The following FBXL7 variants were observed in gnomAD, a reference collection of about 807,000 sequenced individuals.
FBXL7 encodes the protein F-box and leucine rich repeat protein 7, also known as F-box/LRR-repeat protein 7.
FBXL7 carries 12 observed loss-of-function variants against 38.3 expected under a neutral mutation model. The observed-to-expected ratio is 0.31, with a 90% confidence interval of 0.20 to 0.51. The LOEUF (loss-of-function observed/expected upper bound fraction) is 0.51, where lower values mean the gene tolerates loss of function less well. FBXL7 is among the 20% of genes least tolerant of loss of function. The pLI is 0.98. For synonymous variants in FBXL7, 297 were observed against 300.9 expected (o/e 0.99, Z 0.13); for missense variants, 567 against 676.4 (o/e 0.84, Z 1.79).
intron 2 of FBXL7, among the ~76,000 whole-genome samples, chr5:15,838,259 C>G (rs927572092): frequency 3.3e-5 from 5 of 152,286 alleles, no homozygotes; most frequent in African/African-American, 4.8e-5. Context: ...TTACATTGTA[C>G]AGTTCTAGAG....
At chr5:15,816,553 A>G (rs898954989) in intron 2 of FBXL7, among the ~76,000 whole-genome samples, 4 of 152,316 alleles carry the variant, frequency 2.6e-5, no homozygotes, top group Admixed American at 2.6e-4. Context: ...TGTAATGTAC[A>G]TGACTCCAGT....
chr5:15,873,887 A>G (rs528203658), intron 2 of FBXL7, among the ~76,000 whole-genome samples: 106 of 152,338 alleles, frequency 7.0e-4, no homozygotes, highest in African/African-American at 2.4e-3. Flanking sequence ...AACGATAGAA[A>G]AAGAGGGAAT....
chr5:15,628,606 C>G (rs1399442039), intron 2 of FBXL7, among the ~76,000 whole-genome samples: 1 of 152,132 alleles, frequency 6.6e-6, no homozygotes, highest in Non-Finnish European at 1.5e-5. Context: ...AATAATCCAT[C>G]CATTAACACG....
intron 1 of FBXL7, among the ~76,000 whole-genome samples, chr5:15,502,069 G>A (rs76438577): frequency 0.016 from 2,426 of 152,112 alleles, 63 homozygotes; most frequent in African/African-American, 0.056. Context: ...TTATAAAAAT[G>A]TGAGGAAAAG....
At chr5:15,539,632 G>A (rs995593486) in intron 1 of FBXL7, among the ~76,000 whole-genome samples, 1 of 152,038 alleles carries the variant, frequency 6.6e-6, no homozygotes, top group Non-Finnish European at 1.5e-5. Context: ...GAGGGTATGG[G>A]CTGAATATTC....
intron 1 of FBXL7, among the ~76,000 whole-genome samples, chr5:15,533,012 G>A (rs550918414): frequency 1.9e-4 from 29 of 152,308 alleles, no homozygotes; most frequent in African/African-American, 6.5e-4. Flanking sequence ...AGAGGATCAA[G>A]ATTTGGGGAA....
chr5:15,620,530 G>T (rs1011998903), intron 2 of FBXL7, among the ~76,000 whole-genome samples: 1 of 151,654 alleles, frequency 6.6e-6, no homozygotes, highest in East Asian at 1.9e-4. Context: ...TATTACAGGC[G>T]TGAGCCACCG....
At chr5:15,678,644 T>C (rs760239829) in intron 2 of FBXL7, among the ~76,000 whole-genome samples, 72 of 152,182 alleles carry the variant, frequency 4.7e-4, no homozygotes, top group Non-Finnish European at 1.0e-3. Context: ...TGGTGGGAGA[T>C]AATTGAATCA....
chr5:15,729,490 T>TA (rs1212412247), intron 2 of FBXL7, among the ~76,000 whole-genome samples: 1 of 152,090 alleles, frequency 6.6e-6, no homozygotes, highest in African/African-American at 2.4e-5. Context: ...ATGACTTCCT[T>TA]ATAAAGAAGA....
chr5:15,589,719 C>A (rs1055404885), intron 1 of FBXL7, among the ~76,000 whole-genome samples: 1 of 152,056 alleles, frequency 6.6e-6, no homozygotes, highest in Non-Finnish European at 1.5e-5. Context: ...GAGAGGGTAC[C>A]TTGGTGGGGT....
intron 2 of FBXL7, among the ~76,000 whole-genome samples, chr5:15,681,451 A>T (rs1742842270): frequency 6.6e-6 from 1 of 152,234 alleles, no homozygotes. Context: ...TATAAAGGGC[A>T]TAACTGAAAA....
At chr5:15,627,477 C>G (rs572973735) in intron 2 of FBXL7, among the ~76,000 whole-genome samples, 1 of 152,230 alleles carries the variant, frequency 6.6e-6, no homozygotes, top group South Asian at 2.1e-4. Context: ...TCAAAACAAC[C>G]ACCTCCCTGG....
chr5:15,690,864 G>T (rs1249313674), intron 2 of FBXL7, among the ~76,000 whole-genome samples: 1 of 152,216 alleles, frequency 6.6e-6, no homozygotes, highest in Non-Finnish European at 1.5e-5. Context: ...GAGCCACAGG[G>T]AGTTCAGTAC....
At chr5:15,862,311 G>A (rs190157807) in intron 2 of FBXL7, among the ~76,000 whole-genome samples, 7 of 152,284 alleles carry the variant, frequency 4.6e-5, no homozygotes, top group Admixed American at 3.3e-4. Context: ...TGTGAAACGT[G>A]CCTTTCACCT....
intron 2 of FBXL7, among the ~76,000 whole-genome samples, chr5:15,777,992 T>C (rs548732392): frequency 6.6e-6 from 1 of 152,000 alleles, no homozygotes; most frequent in African/African-American, 2.4e-5. Flanking sequence ...TTTCCCAAAA[T>C]ATGTATTTTG....
At chr5:15,919,472 T>A (rs142202889) in intron 2 of FBXL7, among the ~76,000 whole-genome samples, 2,097 of 152,310 alleles carry the variant, frequency 0.014, 24 homozygotes, top group Non-Finnish European at 0.017. Flanking sequence ...TTTTTGGTAC[T>A]CTACACATTT....
At chr5:15,669,627 C>A (rs2126595272) in intron 2 of FBXL7, among the ~76,000 whole-genome samples, 1 of 152,308 alleles carries the variant, frequency 6.6e-6, no homozygotes, top group South Asian at 2.1e-4. Context: ...AACTCTCTGT[C>A]CTCTGCAGCT....
chr5:15,854,800 G>C (rs563551763), intron 2 of FBXL7, among the ~76,000 whole-genome samples: 1 of 152,106 alleles, frequency 6.6e-6, no homozygotes, highest in East Asian at 1.9e-4. Flanking sequence ...TTTTAGTCAA[G>C]TTCTGTTTTG....
chr5:15,630,317 T>A (rs1740957049), intron 2 of FBXL7, among the ~76,000 whole-genome samples: 1 of 152,224 alleles, frequency 6.6e-6, no homozygotes, highest in South Asian at 2.1e-4. Flanking sequence ...TCTCAGTATC[T>A]TTTAACTTCA....
Sources: gnomAD v4.1 joint callset for allele counts (sites outside exome capture counted in the v4.1 genomes callset) on GRCh38, gnomAD v4.1.1 for gene constraint, MANE v1.5 for transcripts, NCBI Gene and HGNC (gene_info 2026-07-23, HGNC 2026-07-21) for gene names.